Variants in FBXL17 observed in about 807,000 individuals in gnomAD.
FBXL17 encodes F-box and leucine rich repeat protein 17, also known as F-box/LRR-repeat protein 17.
A neutral mutation model predicts 66.2 loss-of-function variants in FBXL17; 22 were observed. The observed-to-expected ratio is 0.33, with a 90% confidence interval of 0.24 to 0.47. The LOEUF is 0.47. Ranked by LOEUF, FBXL17 falls within the 20% of genes least tolerant of loss-of-function variation. FBXL17 has a pLI of 1.00. For synonymous variants in FBXL17, 474 were observed against 400.5 expected (o/e 1.18, Z -2.19); for missense variants, 878 against 948.2 (o/e 0.93, Z 0.97).
At chr5:107,880,939 T>C (rs1233650180) in intron 8 of FBXL17, 98 bp downstream of exon 8, 2 of 1,597,670 alleles carry the variant, frequency 1.3e-6, no homozygotes, top group Admixed American at 1.7e-5. Context: ...TAATATATAA[T>C]ACACGGGGGT....
intron 6 of FBXL17, among the ~76,000 whole-genome samples, chr5:108,104,301 T>A (rs1300830490): frequency 1.4e-4 from 21 of 152,244 alleles, no homozygotes; most frequent in Non-Finnish European, 4.4e-5. Context: ...CCTCCCAAAG[T>A]GCTGGGATTA....
intron 7 of FBXL17, among the ~76,000 whole-genome samples, chr5:108,003,866 G>A (rs1753830775): frequency 6.6e-6 from 1 of 152,060 alleles, no homozygotes; most frequent in Non-Finnish European, 1.5e-5. Flanking sequence ...AATATATATG[G>A]CTAAATGTCC....
intron 7 of FBXL17, among the ~76,000 whole-genome samples, chr5:107,952,991 C>G (rs1395661979): frequency 6.6e-6 from 1 of 152,126 alleles, no homozygotes; most frequent in African/African-American, 2.4e-5. Context: ...TCTCACAGGT[C>G]AGATGTACTT....
intron 7 of FBXL17, among the ~76,000 whole-genome samples, chr5:107,983,215 T>C (rs4957734): frequency 0.13 from 19,469 of 152,152 alleles, 1,311 homozygotes; most frequent in African/African-American, 0.16. Context: ...ATGCTGTCAG[T>C]TTTTGTTTTG....
At chr5:108,113,803 C>T (rs970798157) in intron 6 of FBXL17, among the ~76,000 whole-genome samples, 1 of 152,112 alleles carries the variant, frequency 6.6e-6, no homozygotes, top group East Asian at 1.9e-4. Flanking sequence ...ACCATATATC[C>T]GTCTAATCTG....
chr5:108,351,726 A>G (rs921330740), intron 3 of FBXL17, among the ~76,000 whole-genome samples: 1 of 152,208 alleles, frequency 6.6e-6, no homozygotes, highest in Non-Finnish European at 1.5e-5. Context: ...TATCAATTTG[A>G]TAACATCCTG....
At chr5:108,067,381 A>T (rs764527300) in intron 6 of FBXL17, among the ~76,000 whole-genome samples, 49 of 152,160 alleles carry the variant, frequency 3.2e-4, no homozygotes, top group Non-Finnish European at 6.5e-4. Flanking sequence ...AGTTCAACAA[A>T]CACTGAGTAA....
chr5:108,175,281 C>T (rs1410146622), intron 6 of FBXL17, among the ~76,000 whole-genome samples: 1 of 152,108 alleles, frequency 6.6e-6, no homozygotes, highest in Non-Finnish European at 1.5e-5. Flanking sequence ...TCCAGGTCCT[C>T]CTCACAAGGA....
intron 7 of FBXL17, among the ~76,000 whole-genome samples, chr5:107,998,410 G>A (rs1016710932): frequency 3.3e-5 from 5 of 152,040 alleles, no homozygotes; most frequent in African/African-American, 1.2e-4. Flanking sequence ...AATTCCTTTT[G>A]CAAACTGTTT....
intron 3 of FBXL17, among the ~76,000 whole-genome samples, chr5:108,349,186 T>C (rs12652675): frequency 0.12 from 18,591 of 152,212 alleles, 1,380 homozygotes; most frequent in Admixed American, 0.16. Flanking sequence ...CTGAATATTA[T>C]ACAACCACTA....
chr5:108,332,888 G>T (rs193098803), intron 4 of FBXL17, among the ~76,000 whole-genome samples: 88 of 138,132 alleles, frequency 6.4e-4, no homozygotes, highest in African/African-American at 2.3e-3. Context: ...GATTACAGGC[G>T]TGAGCCAAGT....
chr5:108,079,080 C>A (rs1053668163), intron 6 of FBXL17, among the ~76,000 whole-genome samples: 2 of 151,724 alleles, frequency 1.3e-5, no homozygotes, highest in African/African-American at 2.4e-5. Flanking sequence ...AACTCCTGGG[C>A]TCAAGTGATC....
chr5:107,866,227 G>T (rs908697847), intron 8 of FBXL17, among the ~76,000 whole-genome samples: 1 of 151,980 alleles, frequency 6.6e-6, no homozygotes, highest in Non-Finnish European at 1.5e-5. Context: ...GAAATATGCC[G>T]CACTGTCATT....
intron 7 of FBXL17, among the ~76,000 whole-genome samples, chr5:107,930,111 A>C (rs1750681287): frequency 6.6e-6 from 1 of 152,144 alleles, no homozygotes; most frequent in South Asian, 2.1e-4. Context: ...AATTTTTCAA[A>C]CAGTAATTCT....
In FBXL17 at chr5:108,049,211, C is replaced by T. The variant is rs554245304; in HGVS notation, c.1746-28210G>A. On this transcript the variant is annotated intron_variant, in intron 6 of 8. Transcript: ENST00000542267. ...AGGCTGGAGTGCAGCGGCGAGATCT[C>T]GACTCACTGCAACCTCTGCCTCCCA... Among the ~76,000 whole-genome samples the T allele has an allele frequency of 1.6e-3, 238 of 151,774 alleles. 4 individuals are homozygous for T. Among genetic ancestry groups the T allele is most frequent in the Admixed American group, 4.5e-3 (68 of 15,248 alleles).
Position 108,334,892 on chromosome 5 carries a change from T to TA in FBXL17, c.1506+13506dup, listed in dbSNP as rs1337058303. Among the ~76,000 whole-genome samples the TA allele has an allele frequency of 2.2e-4, 34 of 152,162 alleles. 1 individual carries two copies. Among genetic ancestry groups the TA allele is most frequent in the Admixed American group, 1.9e-3 (29 of 15,272 alleles). On this transcript the variant is annotated intron_variant, in intron 4 of 8. Transcript: ENST00000542267. ...CCGAAGTCTTACGCGGACCACGACT[T>TA]AGTGGGTACTGCCATTCACTGTCTG...
intron 6 of FBXL17, among the ~76,000 whole-genome samples, chr5:108,041,582 A>G (rs762314625): frequency 6.6e-6 from 1 of 151,834 alleles, no homozygotes; most frequent in Non-Finnish European, 1.5e-5. Context: ...ACATCTGGCT[A>G]ATTTTTTTAA....
intron 4 of FBXL17, among the ~76,000 whole-genome samples, chr5:108,283,890 A>G (rs1308807301): frequency 6.6e-6 from 1 of 152,000 alleles, no homozygotes; most frequent in Non-Finnish European, 1.5e-5. Flanking sequence ...ATGAATATAT[A>G]TTTTTCAAAA....
intron 6 of FBXL17, among the ~76,000 whole-genome samples, chr5:108,022,373 AT>A (rs1206236057): frequency 1.3e-5 from 2 of 152,048 alleles, no homozygotes; most frequent in Non-Finnish European, 2.9e-5. Context: ...TTAAAAAAGA[AT>A]AAAAACAGAA....
Sources: allele counts gnomAD v4.1 joint callset (sites outside exome capture counted in the v4.1 genomes callset), GRCh38; gene constraint gnomAD v4.1.1; transcripts MANE v1.5; gene names NCBI Gene and HGNC (gene_info 2026-07-23, HGNC 2026-07-21).